Variants in EDDM3A observed in about 807,000 individuals in gnomAD.
EDDM3A encodes epididymal secretory protein E3-alpha.
For missense variants in EDDM3A, 199 were observed against 177.4 expected, an observed-to-expected ratio of 1.12 and a Z score of -0.69; for synonymous variants, 75 against 60.4, an observed-to-expected ratio of 1.24 and a Z score of -1.12.
At chr14:20,742,743 C>T (rs967042577), upstream of EDDM3A, among the ~76,000 whole-genome samples, 5 of 152,058 alleles carry the variant, frequency 3.3e-5, no homozygotes, top group African/African-American at 1.2e-4. Context: ...CGTGCTACCA[C>T]TACTGGCCTT....
At chr14:20,746,495 A>G (rs1005635599) in intron 1 of EDDM3A, among the ~76,000 whole-genome samples, 1 of 152,176 alleles carries the variant, frequency 6.6e-6, no homozygotes, top group African/African-American at 2.4e-5. Flanking sequence ...ACGACCATAC[A>G]TCCTATGCTG....
Position 20,747,787 on chromosome 14 carries a change from C to CT in EDDM3A, c.208dup (p.Tyr70LeufsTer2). 6.2e-7 allele frequency: 1 copy of CT among 1,614,118 alleles called. No homozygotes were observed. Among genetic ancestry groups the CT allele is most frequent in the Non-Finnish European group, 8.5e-7 (1 of 1,180,026 alleles). Reference sequence around the variant, plus strand: ...AAGGCAAGAGCTTTCATATGTTCATCTATAGCTTATGGTTCAAAATTCAGC... The same window carrying CT: ...AAGGCAAGAGCTTTCATATGTTCATCTTATAGCTTATGGTTCAAAATTCAGC... On this transcript the variant is annotated frameshift_variant, in exon 2 of 2. Coordinates refer to ENST00000326842, the MANE Select transcript of EDDM3A (RefSeq NM_006683.5). LOFTEE classifies it low-confidence loss of function (END_TRUNC).
At chr14:20,742,557 G>A (rs566114126), upstream of EDDM3A, among the ~76,000 whole-genome samples, 4 of 152,214 alleles carry the variant, frequency 2.6e-5, no homozygotes, top group Admixed American at 2.6e-4. Context: ...AGGAGTATGG[G>A]GTTAGGGTTT....
intron 1 of EDDM3A, among the ~76,000 whole-genome samples, 181 bp downstream of exon 1, chr14:20,746,173 G>C (rs765310612): frequency 3.3e-5 from 5 of 152,200 alleles, no homozygotes; most frequent in Middle Eastern, 3.4e-3. Context: ...TTCCTTCACC[G>C]CCAGTCCTCC....
the EDDM3A span, among the ~76,000 whole-genome samples, chr14:20,739,617 CA>C: frequency 6.6e-6 from 1 of 152,202 alleles, no homozygotes; most frequent in Non-Finnish European, 1.5e-5. Flanking sequence ...GCATCCTCAC[CA>C]GCTTTGGTGA....
upstream of EDDM3A, among the ~76,000 whole-genome samples, chr14:20,740,933 G>A (rs1355884091): frequency 6.6e-6 from 1 of 151,978 alleles, no homozygotes; most frequent in African/African-American, 2.4e-5. Flanking sequence ...ATTACCTACA[G>A]GAGGTGTTGA....
chr14:20,746,739 G>T (rs1436921807), intron 1 of EDDM3A, among the ~76,000 whole-genome samples: 1 of 152,144 alleles, frequency 6.6e-6, no homozygotes, highest in African/African-American at 2.4e-5. Context: ...AGTCAAGGTT[G>T]GAAAAACATC....
upstream of EDDM3A, among the ~76,000 whole-genome samples, chr14:20,741,657 G>C (rs1877437575): frequency 6.6e-6 from 1 of 152,070 alleles, no homozygotes; most frequent in South Asian, 2.1e-4. Flanking sequence ...GCCAATAATG[G>C]GAAAATCAAT....
chr14:20,743,232 T>C (rs746256054), upstream of EDDM3A, among the ~76,000 whole-genome samples: 1 of 152,312 alleles, frequency 6.6e-6, no homozygotes. Context: ...TTCACAAACA[T>C]TTAAGAATTG....
the EDDM3A span, among the ~76,000 whole-genome samples, chr14:20,736,721 AT>A: frequency 6.6e-6 from 1 of 151,494 alleles, no homozygotes; most frequent in Non-Finnish European, 1.5e-5. Flanking sequence ...TTATTTATTT[AT>A]TTTTTTAAGA....
the EDDM3A span, among the ~76,000 whole-genome samples, chr14:20,738,841 G>C: frequency 1.3e-5 from 2 of 152,198 alleles, no homozygotes; most frequent in Non-Finnish European, 2.9e-5. Context: ...AAGTCATAGG[G>C]AGATGACCAG....
chr14:20,742,734 G>T (rs148954922), upstream of EDDM3A, among the ~76,000 whole-genome samples: 43 of 151,906 alleles, frequency 2.8e-4, no homozygotes, highest in African/African-American at 1.0e-3. Context: ...TTACAGGCAC[G>T]TGCTACCACT....
the EDDM3A span, among the ~76,000 whole-genome samples, chr14:20,739,437 C>T: frequency 1.3e-5 from 2 of 152,102 alleles, no homozygotes; most frequent in African/African-American, 4.8e-5. Flanking sequence ...TTTTGTGGAC[C>T]TTATAGGTGA....
Position 20,747,948 on chromosome 14 carries a change from T to C in EDDM3A, c.368T>C (p.Ile123Thr). 1 of 1,614,070 alleles carries C rather than the reference T, an allele frequency of 6.2e-7. No individual in the cohort carries two copies. Among genetic ancestry groups the C allele is most frequent in the Non-Finnish European group, 8.5e-7 (1 of 1,179,976 alleles). Residue 123 changes from isoleucine (I) to threonine (T), a missense_variant, in exon 2 of 2, where the codon ATT (isoleucine) becomes ACT (threonine). Coordinates refer to ENST00000326842, the MANE Select transcript of EDDM3A (RefSeq NM_006683.5). The part of the protein sequence containing the change: ...RYTESRSFSY[I>T]EFHCGVDGYV... ...ACAGAGAGCAGAAGCTTCAGCTACA[T>C]TGAATTCCATTGTGGCGTAGATGGA...
chr14:20,737,813 T>A, the EDDM3A span, among the ~76,000 whole-genome samples: 1 of 152,204 alleles, frequency 6.6e-6, no homozygotes, highest in Admixed American at 6.5e-5. Flanking sequence ...TATGTGAAAT[T>A]CTGTTTGCTA....
At chr14:20,739,015 T>TA in the EDDM3A span, among the ~76,000 whole-genome samples, 1 of 152,188 alleles carries the variant, frequency 6.6e-6, no homozygotes, top group Non-Finnish European at 1.5e-5. Flanking sequence ...ACGTTACCCT[T>TA]ACAAAAGGCC....
chr14:20,747,716 A>G lies in EDDM3A; in HGVS notation c.136A>G (p.Lys46Glu). ...LHYLSPSREF[K>E]EYKCDVLMRE... is the part of the protein sequence containing the mutation. ...TTACTTAAGTCCAAGTCGAGAATTC[A>G]AAGAGTACAAATGTGATGTCCTCAT... is the stretch of plus-strand genomic sequence containing the variant. The change falls in exon 2 of 2, where the codon AAA becomes GAA. Residue 46 changes from lysine (K) to glutamate (E), a missense_variant. Transcript: ENST00000326842. 2 of 1,614,210 alleles carry G rather than the reference A, an allele frequency of 1.2e-6. No homozygotes were observed. Among genetic ancestry groups the G allele is most frequent in the Non-Finnish European group, 1.7e-6 (2 of 1,180,040 alleles).
At chr14:20,743,737 T>C (rs571435787), upstream of EDDM3A, among the ~76,000 whole-genome samples, 1 of 152,276 alleles carries the variant, frequency 6.6e-6, no homozygotes, top group African/African-American at 2.4e-5. Flanking sequence ...CCCTAGGAAG[T>C]AGACCCATTA....
At chr14:20,743,298 C>T (rs1360253368), upstream of EDDM3A, among the ~76,000 whole-genome samples, 1 of 152,108 alleles carries the variant, frequency 6.6e-6, no homozygotes, top group Non-Finnish European at 1.5e-5. Context: ...GCTTTTAATC[C>T]CAGCACTTTG....
Sources: allele counts gnomAD v4.1 joint callset (sites outside exome capture counted in the v4.1 genomes callset), GRCh38; gene constraint gnomAD v4.1.1; transcripts MANE v1.5; gene names NCBI Gene and HGNC (gene_info 2026-07-23, HGNC 2026-07-21).